SEMA3E: variants seen among roughly 807,000 people sequenced by gnomAD.
The protein encoded by SEMA3E is semaphorin 3E.
In SEMA3E, 49 loss-of-function variants were observed where a neutral mutation model predicts 93.6. The ratio of observed to expected loss-of-function variants is 0.52; its 90% confidence interval spans 0.42 to 0.66. SEMA3E has a LOEUF of 0.66. SEMA3E is among the 30% of genes least tolerant of loss of function. The pLI, the probability that SEMA3E is intolerant of heterozygous loss-of-function variation, is 0.00. For missense variants in SEMA3E, 906 were observed against 964.8 expected, an observed-to-expected ratio of 0.94 and a Z score of 0.81; for synonymous variants, 363 against 330.7, an observed-to-expected ratio of 1.10 and a Z score of -1.06.
chr7:83,466,724 G>T lies in SEMA3E; in HGVS notation c.337-123C>A, dbSNP rs186237663. ...TACCGTAAATCTCTGTTGGGTGAAG[G>T]AGGCAAGAGGGGTAGAAGAAAAGAG... On this transcript the variant is annotated intron_variant, in intron 3 of 16. Transcript: ENST00000643230. The T allele has an allele frequency of 1.9e-3, 2,178 of 1,158,174 alleles. 5 individuals are homozygous for T. The highest frequency in any genetic ancestry group is 2.5e-3 in the Non-Finnish European group (1,964 of 796,728). The allele number at this position is 1,158,174 out of a possible 1,614,324, so 71.7% of individuals were successfully genotyped here.
chr7:83,433,368 T>C (rs1723111322), intron 4 of SEMA3E, among the ~76,000 whole-genome samples: 1 of 152,146 alleles, frequency 6.6e-6, no homozygotes, highest in Admixed American at 6.5e-5. Flanking sequence ...GTGAATCACC[T>C]ATAAAAGTCA....
intron 3 of SEMA3E, among the ~76,000 whole-genome samples, chr7:83,466,856 G>C (rs1170113142): frequency 6.6e-6 from 1 of 151,998 alleles, no homozygotes; most frequent in African/African-American, 2.4e-5. Context: ...ATGTATTCTA[G>C]TTTACAACTG....
intron 1 of SEMA3E, among the ~76,000 whole-genome samples, chr7:83,628,929 C>T (rs569157239): frequency 2.0e-5 from 3 of 152,118 alleles, no homozygotes; most frequent in East Asian, 2.0e-4. Context: ...TGTTTGTCTA[C>T]CTTTTGTCTT....
chr7:83,563,129 T>C (rs998594135), intron 1 of SEMA3E, among the ~76,000 whole-genome samples: 8 of 152,324 alleles, frequency 5.3e-5, no homozygotes, highest in Middle Eastern at 6.8e-3. Context: ...GATCTGATCA[T>C]TGGCCAGCCT....
At chr7:83,489,004 G>A (rs1790324509) in intron 2 of SEMA3E, among the ~76,000 whole-genome samples, 1 of 152,038 alleles carries the variant, frequency 6.6e-6, no homozygotes, top group Admixed American at 6.6e-5. Context: ...AACAAGGGCA[G>A]AAGAAAGGGA....
rs186197441 is a variant in SEMA3E, at chr7:83,445,579, G to A, written c.456+20903C>T. On this transcript the variant is annotated intron_variant, in intron 4 of 16. Transcript: ENST00000643230. ...CTAATAATACAAAAATTAGCTGGGC[G>A]TCCTGGTGGGTGCCTGTAATCCCAG... 2.0e-4 allele frequency among the ~76,000 whole-genome samples: 30 copies of A among 152,160 alleles called. 1 individual carries two copies. In the East Asian group the frequency reaches 5.0e-3, roughly 26 times the overall value.
intron 8 of SEMA3E, 49 bp downstream of exon 8, chr7:83,405,896 A>G (rs769958312): frequency 7.8e-7 from 1 of 1,289,968 alleles, no homozygotes; most frequent in Admixed American, 1.7e-5. Flanking sequence ...AAAGTTATAA[A>G]GAAGCATATA....
chr7:83,449,244 C>G (rs1789302428), intron 4 of SEMA3E, among the ~76,000 whole-genome samples: 1 of 151,680 alleles, frequency 6.6e-6, no homozygotes, highest in Non-Finnish European at 1.5e-5. Flanking sequence ...GGACTACAGG[C>G]ATGCGCCACC....
intron 2 of SEMA3E, among the ~76,000 whole-genome samples, chr7:83,483,466 T>C (rs1584279950): frequency 6.6e-6 from 1 of 152,214 alleles, no homozygotes; most frequent in Admixed American, 6.5e-5. Flanking sequence ...TTGATAACTT[T>C]AATATTTTAC....
chr7:83,513,172 G>T (rs1790858604), intron 1 of SEMA3E, among the ~76,000 whole-genome samples: 1 of 152,124 alleles, frequency 6.6e-6, no homozygotes, highest in African/African-American at 2.4e-5. Flanking sequence ...TTAGTTAGAT[G>T]TGTCTTCCCA....
chr7:83,381,362 C>G lies in SEMA3E; in HGVS notation c.1875+3932G>C, dbSNP rs117319428. ...TCACATATGCTCCTATCTCAAGAGT[C>G]TTAGCATCTGCTGTTCCCATTGTCC... On this transcript the variant is annotated intron_variant, in intron 16 of 16. Coordinates refer to ENST00000643230, the MANE Select transcript of SEMA3E (RefSeq NM_012431.3). Among the ~76,000 whole-genome samples, 367 of 152,066 alleles carry G rather than the reference C, an allele frequency of 2.4e-3. 5 individuals carry two copies. In the East Asian group the frequency reaches 0.043, roughly 18 times the overall value.
At chr7:83,379,383 G>T (rs1787730507) in intron 16 of SEMA3E, among the ~76,000 whole-genome samples, 1 of 151,790 alleles carries the variant, frequency 6.6e-6, no homozygotes, top group African/African-American at 2.4e-5. Flanking sequence ...CCCCAAATTT[G>T]TAAAAGTAAT....
chr7:83,551,231 C>G (rs2115801178), intron 1 of SEMA3E, among the ~76,000 whole-genome samples: 1 of 152,142 alleles, frequency 6.6e-6, no homozygotes, highest in South Asian at 2.1e-4. Flanking sequence ...TGAAAACAGC[C>G]TAAATGTTCA....
In SEMA3E at chr7:83,586,809, T is replaced by C. The variant is rs533250098; in HGVS notation, c.115+61619A>G. On this transcript the variant is annotated intron_variant, in intron 1 of 16. Transcript: ENST00000643230. ...AGGAAACAATCTCTATCGTCAACAA[T>C]GTAAGTACAGACTCCAGGTTTCCTT... Among the ~76,000 whole-genome samples the C allele has an allele frequency of 2.0e-4, 31 of 152,164 alleles. No individual in the cohort carries two copies. In the South Asian group the frequency reaches 2.1e-3, roughly 10 times the overall value.
chr7:83,525,422 A>C (rs937890855), intron 1 of SEMA3E, among the ~76,000 whole-genome samples: 1 of 152,114 alleles, frequency 6.6e-6, no homozygotes, highest in African/African-American at 2.4e-5. Flanking sequence ...TACTAAAAAA[A>C]GTATTCAATT....
At chr7:83,458,565 A>G (rs1410723434) in intron 4 of SEMA3E, among the ~76,000 whole-genome samples, 3 of 151,944 alleles carry the variant, frequency 2.0e-5, no homozygotes, top group Non-Finnish European at 4.4e-5. Flanking sequence ...CGTATGTGCA[A>G]GCAAATGAAA....
intron 1 of SEMA3E, among the ~76,000 whole-genome samples, chr7:83,634,230 T>C (rs1003691037): frequency 6.6e-6 from 1 of 152,198 alleles, no homozygotes; most frequent in Non-Finnish European, 1.5e-5. Context: ...GTATTTTATG[T>C]CCCTTGAGAC....
At chr7:83,575,560 T>C (rs373952519) in intron 1 of SEMA3E, among the ~76,000 whole-genome samples, 1 of 152,136 alleles carries the variant, frequency 6.6e-6, no homozygotes, top group South Asian at 2.1e-4. Context: ...AGTTTTAATA[T>C]ACAAAGCTCT....
chr7:83,426,583 T>C (rs1472402463), intron 4 of SEMA3E, among the ~76,000 whole-genome samples: 3 of 152,104 alleles, frequency 2.0e-5, no homozygotes, highest in Non-Finnish European at 2.9e-5. Flanking sequence ...CTATTCTCAG[T>C]ACCTGGCGAT....
Sources: gnomAD v4.1 joint callset for allele counts (sites outside exome capture counted in the v4.1 genomes callset) on GRCh38, gnomAD v4.1.1 for gene constraint, MANE v1.5 for transcripts, NCBI Gene and HGNC (gene_info 2026-07-23, HGNC 2026-07-21) for gene names.